FAM193A: variants seen among roughly 807,000 people sequenced by gnomAD.
FAM193A encodes protein FAM193A.
FAM193A carries 22 observed loss-of-function variants against 126.5 expected under a neutral mutation model. The observed-to-expected ratio is 0.17, with a 90% CI of 0.12 to 0.25. The LOEUF (loss-of-function observed/expected upper bound fraction) is 0.25, where lower values mean the gene tolerates loss of function less well. Among genes scored for constraint, FAM193A ranks in the 10% least tolerant of loss-of-function variants. The probability of loss-of-function intolerance (pLI) is 1.00; values close to 1 mark genes in which losing one functional copy is unlikely to be tolerated. For synonymous variants in FAM193A, 761 were observed against 646.8 expected, an observed-to-expected ratio of 1.18 and a Z score of -2.68; for missense variants, 1,675 against 1,672.8, an observed-to-expected ratio of 1.00 and a Z score of -0.02.
rs1245176400 is a variant in FAM193A at position 2,536,820 on chromosome 4, CCCGCCGCCGCGG to C, written c.-90_-79del. 6 of 147,092 alleles carry C rather than the reference CCCGCCGCCGCGG, an allele frequency of 4.1e-5. No individual in the cohort carries two copies. The highest frequency in any genetic ancestry group is 1.2e-4 in the African/African-American group (5 of 40,740). The allele number at this position is 147,092 out of a possible 1,614,324, so 9.1% of individuals were successfully genotyped here. A position where few individuals can be genotyped will look rare whatever the true frequency, so the allele number is the denominator to read the frequency against. On this transcript the variant is annotated 5_prime_UTR_variant, in exon 1 of 21. Coordinates refer to ENST00000637812, the MANE Select transcript of FAM193A (RefSeq NM_001366318.2). ...CAGCGCCCCCCGGCTGGCCGGAGCG[CCCGCCGCCGCGG>C]CCGCCTCAGCCTCCCCGCCTTCCCC...
chr4:2,715,873 A>C, intron 19 of FAM193A, 150 bp from the exon 20 acceptor site: 1 of 641,798 alleles, frequency 1.6e-6, no homozygotes, highest in South Asian at 1.7e-5. Flanking sequence ...TAAGCACACC[A>C]AAGAGATCTG....
At chr4:2,565,687 G>A (rs538018145) in intron 1 of FAM193A, among the ~76,000 whole-genome samples, 1 of 152,318 alleles carries the variant, frequency 6.6e-6, no homozygotes, top group South Asian at 2.1e-4. Context: ...ACCACATGAT[G>A]CATAGGGAAC....
intron 12 of FAM193A, among the ~76,000 whole-genome samples, chr4:2,667,858 A>G (rs1713299694): frequency 6.6e-6 from 1 of 152,088 alleles, no homozygotes; most frequent in South Asian, 2.1e-4. Context: ...TCTCTTGTGA[A>G]TGTCGTTATA....
intron 19 of FAM193A, among the ~76,000 whole-genome samples, chr4:2,704,729 C>T (rs1314668306): frequency 6.6e-6 from 1 of 152,188 alleles, no homozygotes; most frequent in Non-Finnish European, 1.5e-5. Flanking sequence ...GGCTTTTTAA[C>T]TGTTGCCAAT....
chr4:2,719,595 A>AT (rs1330722771), intron 20 of FAM193A, among the ~76,000 whole-genome samples: 1 of 151,904 alleles, frequency 6.6e-6, no homozygotes, highest in East Asian at 1.9e-4. Flanking sequence ...AAAATACAAA[A>AT]TTAGCCAGGC....
rs576495433 is a variant in FAM193A, at chr4:2,561,575, C to G, written c.255+24405C>G. On this transcript the variant is annotated intron_variant, in intron 1 of 20. Transcript: ENST00000637812. ...GCAGTGGCGCAATCTCGGCTCACTGCAACCACTGTCTCCCAGGTTCAGGTG... is the reference window on the plus strand; with the variant it reads ...GCAGTGGCGCAATCTCGGCTCACTGGAACCACTGTCTCCCAGGTTCAGGTG... Among the ~76,000 whole-genome samples, 157 of 150,942 alleles carry G rather than the reference C, an allele frequency of 1.0e-3. 1 individual carries two copies. Among genetic ancestry groups the G allele is most frequent in the Admixed American group, 9.0e-3 (136 of 15,092 alleles).
chr4:2,689,020 T>C (rs1716063412), intron 13 of FAM193A, among the ~76,000 whole-genome samples: 1 of 152,266 alleles, frequency 6.6e-6, no homozygotes, highest in Non-Finnish European at 1.5e-5. Context: ...CCCTGGTCTT[T>C]AGAGCACAGT....
chr4:2,626,702 G>A (rs1742999590), intron 4 of FAM193A, 125 bp downstream of exon 4: 2 of 594,700 alleles, frequency 3.4e-6, no homozygotes, highest in Non-Finnish European at 6.2e-6. Context: ...AGCCTTTGGT[G>A]CCTGTCAAGA....
At chr4:2,540,097 A>G (rs1359062592) in intron 1 of FAM193A, among the ~76,000 whole-genome samples, 1 of 149,074 alleles carries the variant, frequency 6.7e-6, no homozygotes, top group Non-Finnish European at 1.5e-5. Context: ...CTGCCTGGGC[A>G]ACAAGAGTGA....
chr4:2,617,420 C>T (rs1220228086), intron 2 of FAM193A, among the ~76,000 whole-genome samples: 3 of 149,002 alleles, frequency 2.0e-5, no homozygotes, highest in Non-Finnish European at 4.5e-5. Context: ...TGCCCACCAC[C>T]GCACCTGGCT....
chr4:2,707,713 A>ATTTTTTTT (rs752751839), intron 19 of FAM193A, among the ~76,000 whole-genome samples: 3 of 130,824 alleles, frequency 2.3e-5, no homozygotes, highest in Non-Finnish European at 4.8e-5. Context: ...TATATTTCTT[A>ATTTTTTTT]TTTTTTTTTT....
chr4:2,707,793 A>G (rs1020576891), intron 19 of FAM193A, among the ~76,000 whole-genome samples: 2 of 150,708 alleles, frequency 1.3e-5, no homozygotes, highest in African/African-American at 2.4e-5. Flanking sequence ...GCTCACTGCA[A>G]CCTCTGCCTC....
At chr4:2,556,130 A>G (rs1738244576) in intron 1 of FAM193A, among the ~76,000 whole-genome samples, 1 of 150,522 alleles carries the variant, frequency 6.6e-6, no homozygotes. Flanking sequence ...GCCTGATCTC[A>G]GGTGATCCGT....
intron 2 of FAM193A, among the ~76,000 whole-genome samples, chr4:2,601,295 C>T (rs565879988): frequency 2.2e-5 from 3 of 136,258 alleles, no homozygotes; most frequent in Admixed American, 8.1e-5. Context: ...TGCAGTGGTG[C>T]GATCTCAGCT....
At chr4:2,594,870 C>T (rs1423813946) in intron 1 of FAM193A, among the ~76,000 whole-genome samples, 5 of 98,358 alleles carry the variant, frequency 5.1e-5, no homozygotes, top group Admixed American at 3.4e-4. Flanking sequence ...GCTCTATTGC[C>T]CAGGCTGGAA....
rs746523429 is a variant in FAM193A, at chr4:2,646,821, G to A, written c.1300G>A (p.Val434Ile). 1.9e-6 allele frequency: 3 copies of A among 1,612,480 alleles called. No homozygotes were observed. The highest frequency in any genetic ancestry group is 2.2e-5 in the East Asian group (1 of 44,836). Residue 434 changes from valine (V) to isoleucine (I), a missense_variant, in exon 7 of 21, where the codon GTC (valine) becomes ATC (isoleucine). By Grantham distance (29) the Val-to-Ile change is conservative. Around this residue, in one of 4 missense-constraint regions of FAM193A, gnomAD observed 1,186 missense variants for 1,109.2 expected, o/e 1.07. Coordinates refer to ENST00000637812, the MANE Select transcript of FAM193A (RefSeq NM_001366318.2). ...GTGCCAGAAGAGGATCGACGCCTAT[G>A]TCGACGAGCAGGTGAGTGCCACCCG... ...LECQKRIDAY[V>I]DEQMTMKTKQ...
chr4:2,551,072 T>G (rs970085795), intron 1 of FAM193A, among the ~76,000 whole-genome samples: 1 of 152,194 alleles, frequency 6.6e-6, no homozygotes, highest in Non-Finnish European at 1.5e-5. Context: ...AGTGCTGGGA[T>G]CACAGGTGTA....
At chr4:2,714,725 T>G (rs1719357989) in intron 19 of FAM193A, among the ~76,000 whole-genome samples, 1 of 152,174 alleles carries the variant, frequency 6.6e-6, no homozygotes, top group South Asian at 2.1e-4. Flanking sequence ...AAAACGTGCC[T>G]CATGCTACCA....
At position 2,657,191 on chromosome 4, in the gene FAM193A, A is replaced by G. The variant is rs538554731; in HGVS notation, c.1312-612A>G. On this transcript the variant is annotated intron_variant, in intron 7 of 20. Coordinates refer to ENST00000637812, the MANE Select transcript of FAM193A (RefSeq NM_001366318.2). Reference sequence around the variant, plus strand: ...TCAAAAACAAAACAAAACAATCTTCATATGTACCCATATCCTTTCTCAATC... The same window carrying G: ...TCAAAAACAAAACAAAACAATCTTCGTATGTACCCATATCCTTTCTCAATC... 2.0e-5 allele frequency among the ~76,000 whole-genome samples: 3 copies of G among 151,694 alleles called. No homozygotes were observed. In the East Asian group the frequency reaches 5.8e-4, roughly 30 times the overall value.
Sources: gnomAD v4.1 joint callset for allele counts (sites outside exome capture counted in the v4.1 genomes callset) on GRCh38, gnomAD v4.1.1 for gene constraint, gnomAD v4.1.1 regional missense constraint, MANE v1.5 for transcripts, NCBI Gene and HGNC (gene_info 2026-07-23, HGNC 2026-07-21) for gene names.